Variants in RNF115 observed in about 807,000 individuals in gnomAD.
The protein encoded by RNF115 is ring finger protein 115.
RNF115 carries 31 observed loss-of-function variants against 39.2 expected under a neutral mutation model. That is an observed-to-expected ratio of 0.79 (90% CI 0.59 to 1.07). The LOEUF (loss-of-function observed/expected upper bound fraction) is 1.07, where lower values mean the gene tolerates loss of function less well. Among genes scored for constraint, RNF115 ranks in the 50% least tolerant of loss-of-function variants. The probability of loss-of-function intolerance (pLI) is 0.00; values close to 1 mark genes in which losing one functional copy is unlikely to be tolerated. For synonymous variants in RNF115, 124 were observed against 131.0 expected (o/e 0.95, Z 0.37); for missense variants, 384 against 381.7 (o/e 1.01, Z -0.05).
intron 2 of RNF115, among the ~76,000 whole-genome samples, chr1:145,785,636 G>GAAA (rs1648343845): frequency 6.6e-6 from 1 of 152,012 alleles, no homozygotes; most frequent in Non-Finnish European, 1.5e-5. Context: ...TCACCCCAAT[G>GAAA]GTAAGTTCAC....
At chr1:145,759,851 T>C (rs1360025014) in intron 4 of RNF115, among the ~76,000 whole-genome samples, 1 of 152,082 alleles carries the variant, frequency 6.6e-6, no homozygotes, top group East Asian at 1.9e-4. Context: ...GGTCTCTCCT[T>C]GTTTGTCCAT....
chr1:145,807,701 T>C (rs1394798535), intron 1 of RNF115, among the ~76,000 whole-genome samples: 2 of 152,146 alleles, frequency 1.3e-5, no homozygotes, highest in African/African-American at 4.8e-5. Flanking sequence ...TGAAATCCTC[T>C]CATCTAGCTA....
intron 3 of RNF115, among the ~76,000 whole-genome samples, chr1:145,783,261 G>C (rs1408918922): frequency 1.3e-5 from 2 of 152,054 alleles, no homozygotes; most frequent in Non-Finnish European, 2.9e-5. Flanking sequence ...TAATCAACCC[G>C]GGCAGTTCAG....
At chr1:145,795,495 G>C (rs374769082) in intron 1 of RNF115, among the ~76,000 whole-genome samples, 1 of 152,082 alleles carries the variant, frequency 6.6e-6, no homozygotes, top group Non-Finnish European at 1.5e-5. Flanking sequence ...CATTTTTACA[G>C]AGTGCTGATT....
intron 4 of RNF115, among the ~76,000 whole-genome samples, chr1:145,757,146 C>T (rs1318860752): frequency 4.6e-5 from 7 of 152,054 alleles, no homozygotes; most frequent in East Asian, 1.9e-4. Context: ...AAATTTCTCT[C>T]CTTATAAGAC....
intron 1 of RNF115, among the ~76,000 whole-genome samples, chr1:145,798,514 T>C (rs1218932707): frequency 4.6e-5 from 7 of 152,196 alleles, no homozygotes; most frequent in African/African-American, 1.7e-4. Context: ...CTCTATTCCA[T>C]TGTCTATATG....
At chr1:145,774,592 C>A (rs1553716253) in intron 3 of RNF115, among the ~76,000 whole-genome samples, 1 of 152,112 alleles carries the variant, frequency 6.6e-6, no homozygotes, top group Non-Finnish European at 1.5e-5. Flanking sequence ...CTCAAGTGAT[C>A]CGCCCACCTC....
At chr1:145,774,665 A>C (rs587608125) in intron 3 of RNF115, among the ~76,000 whole-genome samples, 1 of 152,102 alleles carries the variant, frequency 6.6e-6, no homozygotes, top group Non-Finnish European at 1.5e-5. Flanking sequence ...TTATTTCTTA[A>C]ATTTAAACTC....
chr1:145,811,355 CAA>C (rs71829191), intron 1 of RNF115, among the ~76,000 whole-genome samples: 4 of 60,456 alleles, frequency 6.6e-5, no homozygotes, highest in East Asian at 4.8e-4. Context: ...CCATCACTAC[CAA>C]AAAAAAAAAA....
intron 5 of RNF115, among the ~76,000 whole-genome samples, 183 bp from the exon 6 acceptor site, chr1:145,751,693 C>A (rs1553712519): frequency 6.6e-6 from 1 of 152,118 alleles, no homozygotes; most frequent in Non-Finnish European, 1.5e-5. Flanking sequence ...AGAGATAGTA[C>A]CTCATTCTCT....
chr1:145,778,009 T>A (rs1415819836), intron 3 of RNF115, among the ~76,000 whole-genome samples: 1 of 152,114 alleles, frequency 6.6e-6, no homozygotes, highest in Non-Finnish European at 1.5e-5. Flanking sequence ...TAAAAACATA[T>A]GATCACACAA....
At chr1:145,768,963 A>G (rs1434984679) in intron 4 of RNF115, among the ~76,000 whole-genome samples, 1 of 152,228 alleles carries the variant, frequency 6.6e-6, no homozygotes. Context: ...AAACTGAATT[A>G]AAAACTTTCA....
In RNF115 at chr1:145,766,711, C is replaced by T. The variant is rs1647302069; in HGVS notation, c.428+5000G>A. On this transcript the variant is annotated intron_variant, in intron 4 of 8. Coordinates refer to ENST00000582693, the MANE Select transcript of RNF115 (RefSeq NM_014455.4). ...CTCCCTCCCGGACGGGGCGGCTGTCCGGGCAGAGGGGCTCCTCACTTCCCA... is the reference window on the plus strand; with the variant it reads ...CTCCCTCCCGGACGGGGCGGCTGTCTGGGCAGAGGGGCTCCTCACTTCCCA... Among the ~76,000 whole-genome samples, 5 of 125,958 alleles carry T rather than the reference C, an allele frequency of 4.0e-5. No individual in the cohort carries two copies. The South Asian group carries it at 8.3e-4, about 21-fold the overall frequency. 82.6% of individuals were successfully genotyped at this position (125,958 alleles called of 152,430 possible).
intron 3 of RNF115, among the ~76,000 whole-genome samples, chr1:145,776,419 C>A (rs1435463388): frequency 6.6e-6 from 1 of 151,990 alleles, no homozygotes; most frequent in Non-Finnish European, 1.5e-5. Context: ...CTGCCTCGGC[C>A]TCCCAGAATG....
chr1:145,811,932 T>TATATACACAC (rs1465945929), intron 1 of RNF115, among the ~76,000 whole-genome samples: 15 of 74,646 alleles, frequency 2.0e-4, no homozygotes, highest in Non-Finnish European at 2.3e-4. Flanking sequence ...TATATATATA[T>TATATACACAC]ACACACACAC....
intron 4 of RNF115, among the ~76,000 whole-genome samples, chr1:145,760,997 T>C (rs1461270924): frequency 6.6e-6 from 1 of 152,210 alleles, no homozygotes; most frequent in Non-Finnish European, 1.5e-5. Flanking sequence ...AAGAAGACTC[T>C]TGTTATGTTT....
At chr1:145,788,886 T>C in intron 2 of RNF115, 22 bp downstream of exon 2, 1 of 1,550,254 alleles carries the variant, frequency 6.5e-7, no homozygotes. Context: ...ATGTCTGATT[T>C]ATTCATGAGC....
chr1:145,791,072 G>A (rs1452633880), intron 1 of RNF115, among the ~76,000 whole-genome samples: 1 of 151,874 alleles, frequency 6.6e-6, no homozygotes, highest in Non-Finnish European at 1.5e-5. Flanking sequence ...AACCCAGGAG[G>A]CAGAGGTCGC....
chr1:145,775,488 T>C (rs1647841356), intron 3 of RNF115, among the ~76,000 whole-genome samples: 1 of 150,024 alleles, frequency 6.7e-6, no homozygotes, highest in South Asian at 2.2e-4. Flanking sequence ...CTCAATCTCC[T>C]AGGCTCAAGT....
Sources: allele counts gnomAD v4.1 joint callset (sites outside exome capture counted in the v4.1 genomes callset), GRCh38; gene constraint gnomAD v4.1.1; transcripts MANE v1.5; gene names NCBI Gene and HGNC (gene_info 2026-07-23, HGNC 2026-07-21).